Variants in GRIP1 observed in about 807,000 individuals in gnomAD.
GRIP1 encodes the protein glutamate receptor-interacting protein 1.
GRIP1 carries 45 observed loss-of-function variants against 129.9 expected under a neutral mutation model. That is an observed-to-expected ratio of 0.35 (90% confidence interval 0.27 to 0.44). The LOEUF (loss-of-function observed/expected upper bound fraction) is 0.44, where lower values mean the gene tolerates loss of function less well. Among genes scored for constraint, GRIP1 ranks in the 20% least tolerant of loss-of-function variants. The pLI is 1.00. For missense variants in GRIP1, 1,196 were observed against 1,396.8 expected, an observed-to-expected ratio of 0.86 and a Z score of 2.29; for synonymous variants, 530 against 520.8, an observed-to-expected ratio of 1.02 and a Z score of -0.24.
chr12:66,915,784 AATG>A (rs1355072841), intron 1 of GRIP1, among the ~76,000 whole-genome samples: 1 of 152,218 alleles, frequency 6.6e-6, no homozygotes, highest in Non-Finnish European at 1.5e-5. Flanking sequence ...AAACAAATAT[AATG>A]AGTGACAGCC....
At chr12:67,049,479 C>T (rs1026389820) in intron 1 of GRIP1, among the ~76,000 whole-genome samples, 2 of 152,082 alleles carry the variant, frequency 1.3e-5, no homozygotes, top group African/African-American at 4.8e-5. Flanking sequence ...CCAAACACCG[C>T]GTGTTCCCAC....
chr12:66,390,571 G>A (rs1469868335), intron 19 of GRIP1, among the ~76,000 whole-genome samples: 1 of 152,116 alleles, frequency 6.6e-6, no homozygotes, highest in Non-Finnish European at 1.5e-5. Flanking sequence ...TGCTTCTCAT[G>A]GTCCTGTGTC....
intron 1 of GRIP1, among the ~76,000 whole-genome samples, chr12:66,670,298 A>C (rs1033143601): frequency 6.6e-6 from 1 of 152,238 alleles, no homozygotes. Flanking sequence ...GTTAGCCCTT[A>C]GGTCCCTAAA....
At chr12:66,892,895 A>G (rs1392577401) in intron 1 of GRIP1, among the ~76,000 whole-genome samples, 1 of 152,180 alleles carries the variant, frequency 6.6e-6, no homozygotes, top group Non-Finnish European at 1.5e-5. Flanking sequence ...GGAGCCTAGG[A>G]GGTCAAGGCT....
At chr12:66,715,734 T>C (rs61926138) in intron 1 of GRIP1, among the ~76,000 whole-genome samples, 8,613 of 152,134 alleles carry the variant, frequency 0.057, 342 homozygotes, top group East Asian at 0.19. Flanking sequence ...ATTGGGAATA[T>C]AGGCAGAGTT....
At chr12:66,903,694 C>T (rs2040881282) in intron 1 of GRIP1, among the ~76,000 whole-genome samples, 1 of 152,028 alleles carries the variant, frequency 6.6e-6, no homozygotes, top group South Asian at 2.1e-4. Flanking sequence ...GAATGTAAAA[C>T]AACATAGACA....
chr12:66,880,235 T>C (rs1431331789), intron 1 of GRIP1, among the ~76,000 whole-genome samples: 3 of 152,026 alleles, frequency 2.0e-5, no homozygotes, highest in African/African-American at 7.3e-5. Flanking sequence ...AAGGAGCAGA[T>C]GGAGCCCAAG....
At position 66,971,633 on chromosome 12, in the gene GRIP1, T is replaced by C. The variant is rs144365499; in HGVS notation, c.58+97417A>G. On this transcript the variant is annotated intron_variant, in intron 1 of 1. Coordinates refer to the GRIP1 transcript ENST00000643019. The stretch of plus-strand genomic sequence containing the variant: ...TAGTGAGGGAGACAGAAAAAGGATA[T>C]ATGCATGAAAATAGTAATCACAGTC... Among the ~76,000 whole-genome samples the C allele has an allele frequency of 1.9e-3, 284 of 152,226 alleles. 1 individual carries two copies. Among genetic ancestry groups the C allele is most frequent in the African/African-American group, 6.3e-3 (263 of 41,536 alleles).
At chr12:66,458,734 C>T (rs946197856) in intron 9 of GRIP1, among the ~76,000 whole-genome samples, 3 of 152,222 alleles carry the variant, frequency 2.0e-5, no homozygotes, top group Non-Finnish European at 4.4e-5. Context: ...CTGCCTATCT[C>T]TCTAGTTTCA....
intron 1 of GRIP1, among the ~76,000 whole-genome samples, chr12:66,706,963 C>G (rs963008998): frequency 7.0e-6 from 1 of 143,034 alleles, no homozygotes; most frequent in Non-Finnish European, 1.5e-5. Context: ...CCTGCACGTT[C>G]TGCCCATGTA....
At chr12:66,412,459 C>T (rs1476108481) in intron 15 of GRIP1, among the ~76,000 whole-genome samples, 3 of 152,190 alleles carry the variant, frequency 2.0e-5, no homozygotes, top group African/African-American at 7.2e-5. Context: ...ATCAGGCCTA[C>T]CTTGCAAGAG....
intron 7 of GRIP1, among the ~76,000 whole-genome samples, chr12:66,474,896 G>C (rs1043410774): frequency 6.6e-6 from 1 of 152,098 alleles, no homozygotes; most frequent in South Asian, 2.1e-4. Flanking sequence ...AAAGACTATC[G>C]ATGCTAGGAA....
At position 66,749,722 on chromosome 12, in the gene GRIP1, C is replaced by T. The variant is rs146447506; in HGVS notation, c.-420+54331G>A. On this transcript the variant is annotated intron_variant, in intron 1 of 4. Transcript: ENST00000538373. Reference sequence around the variant, plus strand: ...TATGCATCTTCCGGATGACCCCCTCCCTACTGCCACCACCAACCCTTTTAC... The same window carrying T: ...TATGCATCTTCCGGATGACCCCCTCTCTACTGCCACCACCAACCCTTTTAC... Among the ~76,000 whole-genome samples the T allele has an allele frequency of 2.1e-3, 318 of 152,178 alleles. 2 individuals carry two copies. The highest frequency in any genetic ancestry group is 6.8e-3 in the Middle Eastern group (2 of 294).
At chr12:66,744,805 CA>C (rs2036894077) in intron 1 of GRIP1, among the ~76,000 whole-genome samples, 1 of 152,130 alleles carries the variant, frequency 6.6e-6, no homozygotes, top group Admixed American at 6.5e-5. Flanking sequence ...ACTCATCCAT[CA>C]TAATTTAGTT....
intron 1 of GRIP1, among the ~76,000 whole-genome samples, chr12:66,802,404 C>A (rs1301526224): frequency 1.3e-5 from 2 of 152,088 alleles, no homozygotes; most frequent in Admixed American, 6.5e-5. Context: ...AAACGTGATT[C>A]TCTTTGAGTT....
intron 1 of GRIP1, among the ~76,000 whole-genome samples, chr12:67,032,811 A>C (rs1399721807): frequency 2.0e-5 from 3 of 152,228 alleles, no homozygotes; most frequent in Admixed American, 6.5e-5. Context: ...AAATGGAAGC[A>C]ACACGTATAA....
intron 2 of GRIP1, among the ~76,000 whole-genome samples, chr12:66,569,452 G>A (rs779947844): frequency 2.2e-4 from 34 of 152,160 alleles, no homozygotes; most frequent in Non-Finnish European, 3.8e-4. Flanking sequence ...ACTCCAGCCT[G>A]GGTGACAGAG....
At chr12:66,739,713 C>T (rs1254428846) in intron 1 of GRIP1, among the ~76,000 whole-genome samples, 1 of 151,254 alleles carries the variant, frequency 6.6e-6, no homozygotes, top group Non-Finnish European at 1.5e-5. Flanking sequence ...CAAACCTGCA[C>T]ATCCTGCACA....
At chr12:67,020,737 CATAAT>C (rs964178163) in intron 1 of GRIP1, among the ~76,000 whole-genome samples, 2 of 152,076 alleles carry the variant, frequency 1.3e-5, no homozygotes, top group African/African-American at 4.8e-5. Context: ...TTGATTTAAA[CATAAT>C]ATAATTTTTA....
Sources: allele counts gnomAD v4.1 joint callset (sites outside exome capture counted in the v4.1 genomes callset), GRCh38; gene constraint gnomAD v4.1.1; transcripts MANE v1.5; gene names NCBI Gene and HGNC (gene_info 2026-07-23, HGNC 2026-07-21).